Variants in STOX2 observed in about 807,000 individuals in gnomAD.
STOX2 encodes the protein storkhead-box protein 2.
A neutral mutation model predicts 60.9 loss-of-function variants in STOX2; 28 were observed. The ratio of observed to expected loss-of-function variants is 0.46; its 90% CI spans 0.34 to 0.63. The LOEUF is 0.63. STOX2 is among the 30% of genes least tolerant of loss of function. STOX2 has a pLI of 0.01. For missense variants in STOX2, 1,024 were observed against 1,187.7 expected, an observed-to-expected ratio of 0.86 and a Z score of 2.03; for synonymous variants, 472 against 463.9, an observed-to-expected ratio of 1.02 and a Z score of -0.22.
intron 1 of STOX2, among the ~76,000 whole-genome samples, chr4:183,881,043 C>T (rs1239877163): frequency 1.3e-5 from 2 of 152,158 alleles, no homozygotes; most frequent in Non-Finnish European, 2.9e-5. Flanking sequence ...TAGGGTGGTA[C>T]AGGTCTCTTC....
In STOX2 at chr4:183,868,435, GA is replaced by G. The variant is rs563772840; in HGVS notation, c.364+70389del. Among the ~76,000 whole-genome samples, 923 of 150,994 alleles carry G rather than the reference GA, an allele frequency of 6.1e-3. 13 individuals carry two copies. The highest frequency in any genetic ancestry group is 0.02 in the African/African-American group (844 of 41,194). On this transcript the variant is annotated intron_variant, in intron 1 of 2. Transcript: ENST00000513034. ...ATGGAGACTCAGTTTCTTTAAAAAA[GA>G]AAAAAAAATTGTTTCTCTATGTATG...
Position 183,825,634 on chromosome 4 carries a change from C to T in STOX2, c.364+27579C>T, listed in dbSNP as rs555720960. ...CCCGTCCTCTGTGTCCCAGGACTCG[C>T]GGTGAAGCCCTGAGCATGGGCTTCC... On this transcript the variant is annotated intron_variant, in intron 1 of 2. Coordinates refer to the STOX2 transcript ENST00000513034. This position sits in a 1 kb window ranked among gnomAD's most constrained non-coding sequence, Gnocchi z 4.1. Among the ~76,000 whole-genome samples the T allele has an allele frequency of 3.3e-5, 5 of 152,310 alleles. No individual in the cohort carries two copies. Among genetic ancestry groups the T allele is most frequent in the South Asian group, 2.1e-4 (1 of 4,832 alleles).
rs140683507 is a variant in STOX2, at chr4:184,017,004, G to A, written c.2586-85G>A. On this transcript the variant is annotated intron_variant, in intron 3 of 3. Transcript: ENST00000308497. ...GAACCAACAGAGGAAATCCATTAAC[G>A]ACATCATTTGCTCTTCCTCTGGGGC... The A allele has an allele frequency of 8.9e-6, 10 of 1,117,462 alleles. 1 individual carries two copies. Among genetic ancestry groups the A allele is most frequent in the South Asian group, 8.3e-5 (5 of 60,148 alleles). 69.2% of individuals were successfully genotyped at this position (1,117,462 alleles called of 1,614,324 possible). A position where few individuals can be genotyped will look rare whatever the true frequency, so the allele number is the denominator to read the frequency against.
intron 1 of STOX2, among the ~76,000 whole-genome samples, chr4:183,944,203 A>C (rs935265959): frequency 6.8e-6 from 1 of 147,278 alleles, no homozygotes; most frequent in Admixed American, 6.6e-5. Flanking sequence ...CCTTTTGCTA[A>C]GTGAGTGTCT....
chr4:184,009,243 C>G lies in STOX2; in HGVS notation c.405C>G (p.Gly135=), dbSNP rs767928093. The part of the protein sequence containing the change: ...RERKIYPTPD[G]YFIVTPQTYF... ...GGAAGATCTACCCAACTCCAGATGG[C>G]TACTTCATCGTGACCCCACAGACTT... The change falls in exon 3 of 4, where the codon GGC becomes GGG. Residue 135 remains glycine (G), a synonymous_variant. Transcript: ENST00000308497. This position sits in a 1 kb window ranked among gnomAD's most constrained non-coding sequence, Gnocchi z 4.0. 1.3e-6 allele frequency: 2 copies of G among 1,592,630 alleles called. No homozygotes were observed. Among genetic ancestry groups the G allele is most frequent in the Non-Finnish European group, 1.7e-6 (2 of 1,166,164 alleles).
chr4:183,862,020 C>G (rs1740459610), intron 1 of STOX2, among the ~76,000 whole-genome samples: 1 of 152,180 alleles, frequency 6.6e-6, no homozygotes, highest in Admixed American at 6.5e-5. Flanking sequence ...TTCTAACACT[C>G]AACAGATACT....
chr4:184,008,231 A>C (rs555636125), intron 2 of STOX2, among the ~76,000 whole-genome samples: 1 of 152,370 alleles, frequency 6.6e-6, no homozygotes, highest in African/African-American at 2.4e-5. Flanking sequence ...CAAGAAATGA[A>C]GTAAATGGGC....
At chr4:183,946,626 G>C (rs1283577359) in intron 1 of STOX2, among the ~76,000 whole-genome samples, 1 of 58,072 alleles carries the variant, frequency 1.7e-5, no homozygotes, top group East Asian at 6.7e-4. Flanking sequence ...ACATAGTTGT[G>C]GTTTTTTTTT....
At chr4:183,910,017 T>A (rs550660676) in intron 1 of STOX2, among the ~76,000 whole-genome samples, 181 of 152,356 alleles carry the variant, frequency 1.2e-3, no homozygotes, top group African/African-American at 4.3e-3. Context: ...TCCCAACTCA[T>A]GCTACCAAAT....
At chr4:183,984,675 C>T (rs546929846) in intron 1 of STOX2, among the ~76,000 whole-genome samples, 15 of 152,226 alleles carry the variant, frequency 9.9e-5, no homozygotes, top group Non-Finnish European at 1.6e-4. Flanking sequence ...TATTAAGATC[C>T]TCCCCGTGTC....
rs1734547211 is a variant in STOX2 at position 184,020,660 on chromosome 4, G to A, written c.*3376G>A. Reference sequence around the variant, plus strand: ...ATTATATATATTTTGCACATCTCAGGGGACCATAATGAACATATGAAAGGG... The same window carrying A: ...ATTATATATATTTTGCACATCTCAGAGGACCATAATGAACATATGAAAGGG... On this transcript the variant is annotated 3_prime_UTR_variant, in exon 4 of 4. Coordinates refer to ENST00000308497, the MANE Select transcript of STOX2 (RefSeq NM_020225.3). 1 of 145,240 alleles carries A rather than the reference G, an allele frequency of 6.9e-6. No individual in the cohort carries two copies. 9.0% of individuals were successfully genotyped at this position (145,240 alleles called of 1,614,324 possible).
At chr4:183,820,716 C>T (rs1739286424) in intron 1 of STOX2, among the ~76,000 whole-genome samples, 1 of 152,112 alleles carries the variant, frequency 6.6e-6, no homozygotes, top group Non-Finnish European at 1.5e-5. Flanking sequence ...GATTGAATAA[C>T]AGAAGCTGTC....
At chr4:183,883,293 C>T (rs1341008166) in intron 1 of STOX2, among the ~76,000 whole-genome samples, 13 of 151,890 alleles carry the variant, frequency 8.6e-5, no homozygotes, top group Admixed American at 8.5e-4. Context: ...ATTAAATACC[C>T]CATAGTTGTT....
At chr4:183,864,380 A>G (rs1322144027) in intron 1 of STOX2, among the ~76,000 whole-genome samples, 2 of 152,150 alleles carry the variant, frequency 1.3e-5, no homozygotes, top group Admixed American at 6.5e-5. Context: ...ATTACAAGTG[A>G]TGTATAAATG....
chr4:183,914,331 G>A (rs1484623509), intron 1 of STOX2, among the ~76,000 whole-genome samples: 4 of 152,284 alleles, frequency 2.6e-5, no homozygotes, highest in South Asian at 2.1e-4. Flanking sequence ...CCAGCTACTC[G>A]GGAGGCTGAG....
At chr4:183,900,591 A>C (rs982104275), upstream of STOX2, among the ~76,000 whole-genome samples, 8 of 152,266 alleles carry the variant, frequency 5.3e-5, no homozygotes, top group Admixed American at 3.3e-4. Context: ...TCAAAAATTC[A>C]AACTGCAAGT....
In STOX2 at chr4:184,011,316, T is replaced by C. The variant is rs2111251999; in HGVS notation, c.2478T>C (p.Ala826=). 6.2e-7 allele frequency: 1 copy of C among 1,613,952 alleles called. No individual in the cohort carries two copies. Among genetic ancestry groups the C allele is most frequent in the Non-Finnish European group, 8.5e-7 (1 of 1,179,888 alleles). ...RKFEKNLTLL[A]PKETDSSSNQ... is the part of the protein sequence containing the mutation. ...TTGAAAAGAACCTCACCCTTCTTGC[T>C]CCAAAAGAAACCGACAGCAGCAGCA... is the stretch of plus-strand genomic sequence containing the variant. Residue 826 remains alanine, a synonymous_variant, in exon 3 of 4, where the codon GCT becomes GCC. Coordinates refer to ENST00000308497, the MANE Select transcript of STOX2 (RefSeq NM_020225.3). The surrounding 1 kb of genome is among the most constrained non-coding windows in gnomAD (Gnocchi z 4.4).
intron 1 of STOX2, among the ~76,000 whole-genome samples, chr4:183,840,664 C>G (rs1560840193): frequency 6.6e-6 from 1 of 152,190 alleles, no homozygotes; most frequent in East Asian, 1.9e-4. Context: ...ACACAAGAAA[C>G]AGATTTGATG....
At chr4:183,999,132 C>A (rs1348397861) in intron 1 of STOX2, among the ~76,000 whole-genome samples, 1 of 152,066 alleles carries the variant, frequency 6.6e-6, no homozygotes, top group Non-Finnish European at 1.5e-5. Flanking sequence ...TATGACAAAT[C>A]TTTTCTTTAA....
Sources: allele counts gnomAD v4.1 joint callset (sites outside exome capture counted in the v4.1 genomes callset), GRCh38; gene constraint gnomAD v4.1.1; non-coding constraint Gnocchi (gnomAD v3.1); transcripts MANE v1.5; gene names NCBI Gene and HGNC (gene_info 2026-07-23, HGNC 2026-07-21).